Variants in PLCE1 observed in about 807,000 individuals in gnomAD.
PLCE1 encodes phospholipase C epsilon 1, also known as 1-phosphatidylinositol 4,5-bisphosphate phosphodiesterase epsilon-1.
In PLCE1, 119 loss-of-function variants were observed where a neutral mutation model predicts 242.8. That is an observed-to-expected ratio of 0.49 (90% confidence interval 0.42 to 0.57). The LOEUF (loss-of-function observed/expected upper bound fraction) is 0.57, where lower values mean the gene tolerates loss of function less well. PLCE1 is among the 20% of genes least tolerant of loss of function. PLCE1 has a pLI of 0.00. For synonymous variants in PLCE1, 945 were observed against 1,017.4 expected (o/e 0.93, Z 1.35); for missense variants, 2,441 against 2,788.8 (o/e 0.88, Z 2.81).
intron 30 of PLCE1, among the ~76,000 whole-genome samples, chr10:94,322,728 T>C (rs1431304473): frequency 6.6e-6 from 1 of 150,980 alleles, no homozygotes. Context: ...GAGGTTGCAG[T>C]GAGCCGAGAT....
intron 2 of PLCE1, chr10:94,105,011 C>T (rs764823462): frequency 7.9e-5 from 12 of 152,074 alleles, no homozygotes; most frequent in African/African-American, 2.4e-4. Context: ...TTTATTTATT[C>T]GTTTCTCTTT....
chr10:94,310,004 C>T (rs1052225625), intron 27 of PLCE1, among the ~76,000 whole-genome samples: 4 of 152,208 alleles, frequency 2.6e-5, no homozygotes, highest in Non-Finnish European at 5.9e-5. Context: ...CCAGCATGGA[C>T]AAAGAATGAG....
chr10:94,044,489 C>G (rs533274175), intron 2 of PLCE1, among the ~76,000 whole-genome samples: 1 of 152,182 alleles, frequency 6.6e-6, no homozygotes, highest in Non-Finnish European at 1.5e-5. Flanking sequence ...ATATTTTAAG[C>G]AAAGGTAAAA....
In PLCE1 at chr10:94,299,353, T is replaced by C. The variant is rs550153847; in HGVS notation, c.5458+684T>C. The stretch of plus-strand genomic sequence containing the variant: ...TATTCACAACAGCCCTAAAGTTGTG[T>C]ACCTTTATGATCGCCATTTCTCAGA... On this transcript the variant is annotated intron_variant, in intron 24 of 32. Transcript: ENST00000371380. Among the ~76,000 whole-genome samples the C allele has an allele frequency of 6.5e-4, 99 of 152,336 alleles. 1 individual carries two copies. The highest frequency in any genetic ancestry group is 2.3e-3 in the African/African-American group (94 of 41,588).
At chr10:94,160,746 G>A (rs1282402916) in intron 3 of PLCE1, among the ~76,000 whole-genome samples, 1 of 151,508 alleles carries the variant, frequency 6.6e-6, no homozygotes, top group Non-Finnish European at 1.5e-5. Context: ...GGTTTTTATG[G>A]TTTTAGGTCT....
At chr10:94,194,974 G>A (rs555150772) in intron 4 of PLCE1, among the ~76,000 whole-genome samples, 1 of 152,126 alleles carries the variant, frequency 6.6e-6, no homozygotes, top group African/African-American at 2.4e-5. Context: ...TGAACTCCTT[G>A]ATGATTACAA....
chr10:94,043,249 C>G (rs7918106), intron 2 of PLCE1, among the ~76,000 whole-genome samples: 60,953 of 152,010 alleles, frequency 0.4, 15,109 homozygotes, highest in African/African-American at 0.71. Flanking sequence ...ACCAGAGGCA[C>G]CCTGTTTTCC....
chr10:94,046,354 AG>A (rs2061883166), intron 2 of PLCE1, among the ~76,000 whole-genome samples: 1 of 152,204 alleles, frequency 6.6e-6, no homozygotes, highest in Non-Finnish European at 1.5e-5. Flanking sequence ...CAAGACACTG[AG>A]CCCAGCAGGA....
At chr10:94,010,191 A>G (rs1297681691) in intron 1 of PLCE1, among the ~76,000 whole-genome samples, 2 of 152,242 alleles carry the variant, frequency 1.3e-5, no homozygotes, top group Non-Finnish European at 2.9e-5. Flanking sequence ...CCACCAGGGC[A>G]TATGGCAGTT....
rs1361429693 is a variant in PLCE1, at chr10:94,142,351, A to AG, written c.1492+9892_1492+9893insG. On this transcript the variant is annotated intron_variant, in intron 3 of 32. Transcript: ENST00000371380. The stretch of plus-strand genomic sequence containing the variant: ...AGGCAACATGGCGTGATGCTGTCTC[A>AG]AAAAAAAAAAAAAAAAAGCCAGCCA... Among the ~76,000 whole-genome samples the AG allele has an allele frequency of 1.5e-3, 10 of 6,716 alleles. No individual in the cohort carries two copies. In the Non-Finnish European group the frequency reaches 0.02, roughly 14 times the overall value. The allele number at this position is 6,716 out of a possible 152,430, so 4.4% of individuals were successfully genotyped here. A position where few individuals can be genotyped will look rare whatever the true frequency, so the allele number is the denominator to read the frequency against.
chr10:94,309,894 C>T (rs1177384175), intron 27 of PLCE1, among the ~76,000 whole-genome samples: 4 of 152,048 alleles, frequency 2.6e-5, no homozygotes, highest in African/African-American at 9.7e-5. Flanking sequence ...AGCATAGTGT[C>T]GAGCACCTAT....
At chr10:94,094,797 G>A (rs1427380425) in intron 2 of PLCE1, 4 of 152,186 alleles carry the variant, frequency 2.6e-5, no homozygotes, top group Admixed American at 6.5e-5. Flanking sequence ...TAGATGAGGA[G>A]TGATGCTGGT....
intron 1 of PLCE1, among the ~76,000 whole-genome samples, chr10:94,001,813 A>C (rs147145580): frequency 2.9e-3 from 441 of 152,380 alleles, no homozygotes; most frequent in Middle Eastern, 6.8e-3. Context: ...GAAGAATTGA[A>C]GCCCTCTCTA....
chr10:94,283,804 G>T lies in PLCE1; in HGVS notation c.4810G>T (p.Asp1604Tyr), dbSNP rs765634224. The T allele has an allele frequency of 6.8e-6, 11 of 1,611,546 alleles. No homozygotes were observed. The highest frequency in any genetic ancestry group is 1.1e-5 in the South Asian group (1 of 90,856). Reference protein sequence around the residue: ...ESLSDDNILEDRPENKSCNDK... With the variant: ...ESLSDDNILEYRPENKSCNDK... ...CTTATTTTCAGACAACATTCTGGAAGACAGACCTGAAAATAAATCATGTAA... is the reference window on the plus strand; with the variant it reads ...CTTATTTTCAGACAACATTCTGGAATACAGACCTGAAAATAAATCATGTAA... The change falls in exon 21 of 33, where the codon GAC becomes TAC. Residue 1604 changes from aspartate to tyrosine, a missense_variant. By Grantham distance (160) the Asp-to-Tyr change is radical (BLOSUM62 -3). This residue lies in a region of PLCE1 where 1,004 missense variants were observed against 1,322.7 expected (regional missense o/e 0.76). Transcript: ENST00000371380.
chr10:94,204,040 T>A (rs1249041609), intron 4 of PLCE1, among the ~76,000 whole-genome samples: 1 of 152,176 alleles, frequency 6.6e-6, no homozygotes, highest in Non-Finnish European at 1.5e-5. Flanking sequence ...TTAACACATT[T>A]ATTTATGTCT....
At chr10:94,040,870 T>C (rs2134631149) in intron 2 of PLCE1, among the ~76,000 whole-genome samples, 1 of 152,350 alleles carries the variant, frequency 6.6e-6, no homozygotes, top group Non-Finnish European at 1.5e-5. Context: ...GAAAATTATA[T>C]AGAATTGAAA....
chr10:94,171,313 A>C lies in PLCE1; in HGVS notation c.1626A>C (p.Gln542His), dbSNP rs754740363. The change falls in exon 4 of 33, where the codon CAA becomes CAC. Residue 542 changes from glutamine to histidine, a missense_variant. Physicochemically the swap from Gln to His is conservative, Grantham distance 24. This residue lies in a region of PLCE1 where 733 missense variants were observed against 754.2 expected (regional missense o/e 0.97). Coordinates refer to ENST00000371380, the MANE Select transcript of PLCE1 (RefSeq NM_016341.4). ...PEEVASILME[Q>H]EQTIYRRVLP... ...AAGTCGCCAGCATCCTGATGGAGCA[A>C]GAGCAGACTATTTACCGCAGGGTCT... 2.5e-6 allele frequency: 4 copies of C among 1,614,176 alleles called. No individual in the cohort carries two copies. The highest frequency in any genetic ancestry group is 3.4e-6 in the Non-Finnish European group (4 of 1,180,016).
rs372621219 is a variant in PLCE1, at chr10:94,032,136, A to G, written c.1090A>G (p.Ile364Val). 97 of 1,610,212 alleles carry G rather than the reference A, an allele frequency of 6.0e-5. No individual in the cohort carries two copies. The highest frequency in any genetic ancestry group is 1.4e-4 in the Admixed American group (8 of 59,230). The change falls in exon 2 of 33, where the codon ATA (isoleucine) becomes GTA (valine). Residue 364 changes from isoleucine (I) to valine (V), a missense_variant. Ile to Val is a conservative substitution (Grantham distance 29). Transcript: ENST00000371380. ...GHIGLTAWSY[I>V]DQKRNGPLLP... ...CATTGGGCTGACTGCATGGAGTTAC[A>G]TAGATCAGAAGAGAAATGGTCCCTT... is the stretch of plus-strand genomic sequence containing the variant.
chr10:94,293,510 C>G lies in PLCE1; in HGVS notation c.5038C>G (p.Leu1680Val), dbSNP rs753944067. ...IYCQAVKFPG[L>V]STLNASGSSR... Reference sequence around the variant, plus strand: ...TTATTTTCATTTTATGGGAACAGGACTGTCAACTCTAAATGCATCTGGCTC... The same window carrying G: ...TTATTTTCATTTTATGGGAACAGGAGTGTCAACTCTAAATGCATCTGGCTC... The change falls in exon 23 of 33, where the codon CTG becomes GTG. Residue 1680 changes from leucine (L) to valine (V), a missense_variant and splice_region_variant. Around this residue, in one of 5 missense-constraint regions of PLCE1, gnomAD observed 1,004 missense variants for 1,322.7 expected, o/e 0.76. Coordinates refer to ENST00000371380, the MANE Select transcript of PLCE1 (RefSeq NM_016341.4). The G allele has an allele frequency of 1.2e-6, 2 of 1,613,330 alleles. No homozygotes were observed. The highest frequency in any genetic ancestry group is 3.3e-4 in the Middle Eastern group (2 of 6,056).
Sources: allele counts gnomAD v4.1 joint callset (sites outside exome capture counted in the v4.1 genomes callset), GRCh38; gene constraint gnomAD v4.1.1; regional missense constraint gnomAD v4.1.1; transcripts MANE v1.5; gene names NCBI Gene and HGNC (gene_info 2026-07-23, HGNC 2026-07-21).